The following RADIL variants were observed in gnomAD, a reference collection of about 807,000 sequenced individuals.
RADIL encodes ras-associating and dilute domain-containing protein.
A neutral mutation model predicts 97.6 loss-of-function variants in RADIL; 99 were observed. That is an observed-to-expected ratio of 1.01 (90% CI 0.86 to 1.20). The LOEUF (loss-of-function observed/expected upper bound fraction) is 1.20. RADIL is among the 50% of genes most tolerant of loss of function. The pLI is 0.00. For synonymous variants in RADIL, 803 were observed against 691.8 expected (o/e 1.16, Z -2.52); for missense variants, 1,765 against 1,498.9 (o/e 1.18, Z -2.93).
intron 2 of RADIL, among the ~76,000 whole-genome samples, chr7:4,855,699 G>C (rs1162198194): frequency 6.6e-6 from 1 of 150,922 alleles, no homozygotes; most frequent in Non-Finnish European, 1.5e-5. Context: ...ACTGAGATTG[G>C]GCATCTTTTC....
At chr7:4,816,146 G>A (rs1476532810) in intron 8 of RADIL, 82 bp downstream of exon 8, 15 of 1,351,840 alleles carry the variant, frequency 1.1e-5, no homozygotes, top group Non-Finnish European at 1.5e-5. Flanking sequence ...GCCGCCTCCA[G>A]GAGCTGGCGA....
chr7:4,871,361 C>A (rs11975077), intron 2 of RADIL, among the ~76,000 whole-genome samples: 1 of 152,228 alleles, frequency 6.6e-6, no homozygotes, highest in South Asian at 2.1e-4. Context: ...ACAGAACTCA[C>A]GGCACCCCGT....
intron 2 of RADIL, chr7:4,858,278 A>ACGG (rs1783884552): frequency 6.6e-6 from 1 of 152,184 alleles, no homozygotes; most frequent in Admixed American, 6.5e-5. Context: ...TAGAGGAGGG[A>ACGG]CGGGAGGGGT....
At position 4,798,249 on chromosome 7, in the gene RADIL, G is replaced by A. The variant is rs1002754743; in HGVS notation, c.*1129C>T. 4 of 152,056 alleles carry A rather than the reference G, an allele frequency of 2.6e-5. No homozygotes were observed. Among genetic ancestry groups the A allele is most frequent in the Non-Finnish European group, 5.9e-5 (4 of 68,016 alleles). 9.4% of individuals were successfully genotyped at this position (152,056 alleles called of 1,614,324 possible). A position where few individuals can be genotyped will look rare whatever the true frequency, so the allele number is the denominator to read the frequency against. On this transcript the variant is annotated 3_prime_UTR_variant, in exon 15 of 15. Coordinates refer to ENST00000399583, the MANE Select transcript of RADIL (RefSeq NM_018059.5). ...AGAACTGCGGGTCGGCAGAGGGCGC[G>A]GGGCGGACGCGCTGCACCTCGCCGT...
chr7:4,876,591 G>A (rs975828773), intron 2 of RADIL, among the ~76,000 whole-genome samples: 2 of 151,822 alleles, frequency 1.3e-5, no homozygotes, highest in Non-Finnish European at 2.9e-5. Flanking sequence ...GTGAGCCACC[G>A]CGCCTGGCCA....
At chr7:4,829,271 A>C (rs73314475) in intron 5 of RADIL, among the ~76,000 whole-genome samples, 2,352 of 152,308 alleles carry the variant, frequency 0.015, 60 homozygotes, top group African/African-American at 0.053. Flanking sequence ...TGGGAGGCAG[A>C]GCCTGGGTCC....
At position 4,842,980 on chromosome 7, in the gene RADIL, A is replaced by G. The variant is rs960527774; in HGVS notation, c.536-6375T>C. Among the ~76,000 whole-genome samples, 1 of 142,504 alleles carries G rather than the reference A, an allele frequency of 7.0e-6. No individual in the cohort carries two copies. The highest frequency in any genetic ancestry group is 1.5e-5 in the Non-Finnish European group (1 of 65,878). 93.5% of individuals were successfully genotyped at this position (142,504 alleles called of 152,430 possible). On this transcript the variant is annotated intron_variant, in intron 2 of 14. Coordinates refer to ENST00000399583, the MANE Select transcript of RADIL (RefSeq NM_018059.5). This position sits in a 1 kb window ranked among gnomAD's most constrained non-coding sequence, Gnocchi z 4.5. ...AGAATAGCTGGGACTATAGGTGCGC[A>G]CCCCCATGCCCGGCAAGAGACAATT...
At position 4,821,369 on chromosome 7, in the gene RADIL, C is replaced by T. The variant is rs1262224169; in HGVS notation, c.1615+1025G>A. ...GTTCCCTGGGCCGGCTCCTCACTTC[C>T]GCAGCACAGCAGCACAGTCCTGCTG... On this transcript the variant is annotated intron_variant, in intron 6 of 14. Transcript: ENST00000399583. This position sits in a 1 kb window ranked among gnomAD's most constrained non-coding sequence, Gnocchi z 5.2. 6.6e-6 allele frequency among the ~76,000 whole-genome samples: 1 copy of T among 152,196 alleles called. No homozygotes were observed. Among genetic ancestry groups the T allele is most frequent in the Non-Finnish European group, 1.5e-5 (1 of 68,018 alleles).
intron 2 of RADIL, among the ~76,000 whole-genome samples, chr7:4,845,042 G>GAA (rs35995078): frequency 6.8e-4 from 101 of 148,608 alleles, no homozygotes; most frequent in African/African-American, 2.1e-3. Flanking sequence ...ACCTACGTAG[G>GAA]AAAAAAAAAA....
In RADIL at chr7:4,817,537, C is replaced by T. The variant is rs948090935; in HGVS notation, c.1616-186G>A. Among the ~76,000 whole-genome samples the T allele has an allele frequency of 5.9e-5, 9 of 152,160 alleles. No homozygotes were observed. In the East Asian group the frequency reaches 1.7e-3, roughly 29 times the overall value. ...GGGACGAGCGCAGCAAACCTGCCGCCACTCTTACCTGGGGAGGGGAATGCC... is the reference window on the plus strand; with the variant it reads ...GGGACGAGCGCAGCAAACCTGCCGCTACTCTTACCTGGGGAGGGGAATGCC... On this transcript the variant is annotated intron_variant, in intron 6 of 14. Coordinates refer to ENST00000399583, the MANE Select transcript of RADIL (RefSeq NM_018059.5). This position sits in a 1 kb window ranked among gnomAD's most constrained non-coding sequence, Gnocchi z 8.3.
intron 2 of RADIL, among the ~76,000 whole-genome samples, chr7:4,847,064 T>G (rs1027663706): frequency 6.6e-6 from 1 of 152,030 alleles, no homozygotes; most frequent in Non-Finnish European, 1.5e-5. Flanking sequence ...CTTACACCTG[T>G]AATCCCAGCA....
intron 9 of RADIL, among the ~76,000 whole-genome samples, chr7:4,812,403 T>G (rs1782571707): frequency 6.6e-6 from 1 of 151,956 alleles, no homozygotes; most frequent in South Asian, 2.1e-4. Context: ...TTTTCTCCCT[T>G]ATTCAACTTT....
rs757381135 is a variant in RADIL, at chr7:4,805,654, C to G, written c.2202G>C (p.Leu734=). The G allele has an allele frequency of 1.2e-6, 2 of 1,611,838 alleles. 1 individual carries two copies. The highest frequency in any genetic ancestry group is 2.2e-5 in the South Asian group (2 of 91,082). Residue 734 remains leucine, a synonymous_variant, in exon 10 of 15, where the codon CTG becomes CTC. Coordinates refer to ENST00000399583, the MANE Select transcript of RADIL (RefSeq NM_018059.5). ...CCGAGGCCAGCTGGTAGTGAGTCAG[C>G]AGCCGGTGCAGCTGTGCTGGGCTCA... ...PALSPAQLHR[L]LTHYQLASAM...
rs986686351 is a variant in RADIL at position 4,840,458 on chromosome 7, A to G, written c.536-3853T>C. 2.6e-5 allele frequency among the ~76,000 whole-genome samples: 4 copies of G among 152,136 alleles called. No individual in the cohort carries two copies. The highest frequency in any genetic ancestry group is 4.8e-5 in the African/African-American group (2 of 41,434). On this transcript the variant is annotated intron_variant, in intron 2 of 14. Coordinates refer to ENST00000399583, the MANE Select transcript of RADIL (RefSeq NM_018059.5). This position sits in a 1 kb window ranked among gnomAD's most constrained non-coding sequence, Gnocchi z 5.6. ...AGAAGCATCGCATGGCGCCATCGCT[A>G]GACACACAGCGTGGAGTTGTCAAGG...
At chr7:4,836,281 G>A (rs923407120) in intron 3 of RADIL, 77 bp downstream of exon 3, 20 of 1,541,536 alleles carry the variant, frequency 1.3e-5, no homozygotes, top group Non-Finnish European at 1.4e-5. Flanking sequence ...AAAGGCAGGC[G>A]GAGGCCTTGA....
intron 2 of RADIL, chr7:4,859,921 C>A: frequency 1.2e-6 from 2 of 1,612,012 alleles, no homozygotes; most frequent in Non-Finnish European, 1.7e-6. Flanking sequence ...ATGTTTGTTG[C>A]TGAGTTTCCT....
Position 4,801,841 on chromosome 7 carries a change from G to T in RADIL, c.2654C>A (p.Pro885His). 6.2e-7 allele frequency: 1 copy of T among 1,600,360 alleles called. No individual in the cohort carries two copies. The highest frequency in any genetic ancestry group is 8.5e-7 in the Non-Finnish European group (1 of 1,174,230). The stretch of plus-strand genomic sequence containing the variant: ...GCCAGCCTGGGAGCCCCCACGGCTG[G>T]GTTGCCTTCCAGGGGGGGCCTGTGC... The part of the protein sequence containing the change: ...PWAQAPPGRQ[P>H]SRGGSQAGPP... The change falls in exon 12 of 15, where the codon CCC becomes CAC. Residue 885 changes from proline to histidine, a missense_variant. Pro to His is a moderately conservative substitution (Grantham distance 77, BLOSUM62 -2). Coordinates refer to ENST00000399583, the MANE Select transcript of RADIL (RefSeq NM_018059.5).
intron 2 of RADIL, among the ~76,000 whole-genome samples, chr7:4,841,449 C>T (rs1783437318): frequency 1.3e-5 from 2 of 152,360 alleles, no homozygotes; most frequent in South Asian, 4.1e-4. Flanking sequence ...AGCAAAGTGA[C>T]ACCCACAAGC....
chr7:4,870,140 AAAC>A (rs1784220102), intron 2 of RADIL, among the ~76,000 whole-genome samples: 1 of 151,840 alleles, frequency 6.6e-6, no homozygotes, highest in African/African-American at 2.4e-5. Context: ...TCCCTGTCTC[AAAC>A]AACAACAACA....
Sources: gnomAD v4.1 joint callset for allele counts (sites outside exome capture counted in the v4.1 genomes callset) on GRCh38, gnomAD v4.1.1 for gene constraint, Gnocchi (gnomAD v3.1) non-coding constraint, MANE v1.5 for transcripts, NCBI Gene and HGNC (gene_info 2026-07-23, HGNC 2026-07-21) for gene names.